HSPA12A: variants seen among roughly 807,000 people sequenced by gnomAD.
HSPA12A encodes heat shock 70 kDa protein 12A.
A neutral mutation model predicts 69.2 loss-of-function variants in HSPA12A; 28 were observed. The ratio of observed to expected loss-of-function variants is 0.40; its 90% CI spans 0.30 to 0.55. The LOEUF is 0.55. Ranked by LOEUF, HSPA12A falls within the 20% of genes least tolerant of loss-of-function variation. HSPA12A has a pLI of 0.38. For synonymous variants in HSPA12A, 345 were observed against 370.5 expected, an observed-to-expected ratio of 0.93 and a Z score of 0.79; for missense variants, 686 against 900.7, an observed-to-expected ratio of 0.76 and a Z score of 3.05.
intron 2 of HSPA12A, among the ~76,000 whole-genome samples, chr10:116,754,891 G>C (rs1554888614): frequency 6.6e-6 from 1 of 152,190 alleles, no homozygotes; most frequent in Admixed American, 6.5e-5. Context: ...GCAACACTTA[G>C]AAAACACTGA....
chr10:116,756,544 C>G (rs1843855222), intron 2 of HSPA12A, among the ~76,000 whole-genome samples: 1 of 152,230 alleles, frequency 6.6e-6, no homozygotes, highest in African/African-American at 2.4e-5. Flanking sequence ...ACACGGGCAC[C>G]CTCTGGGCAC....
intron 1 of HSPA12A, among the ~76,000 whole-genome samples, chr10:116,726,241 C>T (rs1282499446): frequency 2.6e-5 from 4 of 152,086 alleles, no homozygotes; most frequent in African/African-American, 9.7e-5. Flanking sequence ...AATCTGCACC[C>T]ATGACCAGCC....
At chr10:116,834,836 A>G (rs1845681009) in intron 2 of HSPA12A, 5 of 588,748 alleles carry the variant, frequency 8.5e-6, no homozygotes, top group South Asian at 8.9e-5. Flanking sequence ...TAAACGTCCC[A>G]GTTTTAAACA....
chr10:116,693,189 G>C (rs1254481939), intron 5 of HSPA12A, among the ~76,000 whole-genome samples: 1 of 152,144 alleles, frequency 6.6e-6, no homozygotes, highest in African/African-American at 2.4e-5. Flanking sequence ...TGCAAGGCCA[G>C]CATTATCAGG....
intron 1 of HSPA12A, among the ~76,000 whole-genome samples, chr10:116,727,069 ATTAAACCTAT>A (rs1850987960): frequency 6.6e-6 from 1 of 152,274 alleles, no homozygotes; most frequent in Admixed American, 6.5e-5. Context: ...TAACACTTTT[ATTAAACCTAT>A]CATCTGCTAC....
chr10:116,805,699 C>T (rs1476295289), intron 2 of HSPA12A, among the ~76,000 whole-genome samples: 3 of 152,158 alleles, frequency 2.0e-5, no homozygotes, highest in African/African-American at 7.2e-5. Flanking sequence ...CTGTAAACGG[C>T]CCCATTTATG....
chr10:116,780,380 C>T (rs1222408981), intron 2 of HSPA12A, among the ~76,000 whole-genome samples: 1 of 151,548 alleles, frequency 6.6e-6, no homozygotes, highest in Non-Finnish European at 1.5e-5. Flanking sequence ...GAGACAAGGT[C>T]TCTCTCTGTC....
chr10:116,674,163 C>T lies in HSPA12A; in HGVS notation c.*618G>A, dbSNP rs1161997631. ...TGGATTACCCAAGGCTACGGTTATT[C>T]TTCCCTGAACCTCCTTGCTGTTTAA... On this transcript the variant is annotated 3_prime_UTR_variant, in exon 12 of 12. Transcript: ENST00000369209. 2 of 153,412 alleles carry T rather than the reference C, an allele frequency of 1.3e-5. No homozygotes were observed. The highest frequency in any genetic ancestry group is 4.8e-5 in the African/African-American group (2 of 41,462). 9.5% of individuals were successfully genotyped at this position (153,412 alleles called of 1,614,324 possible).
chr10:116,738,469 G>A (rs1291774536), intron 1 of HSPA12A, among the ~76,000 whole-genome samples: 1 of 152,202 alleles, frequency 6.6e-6, no homozygotes, highest in African/African-American at 2.4e-5. Flanking sequence ...CTCCATGGCT[G>A]ACTCATATCC....
chr10:116,785,688 C>A lies in HSPA12A; in HGVS notation c.91+49247G>T, dbSNP rs192660407. Among the ~76,000 whole-genome samples the A allele has an allele frequency of 6.2e-3, 944 of 152,232 alleles. 3 individuals are homozygous for A. Among genetic ancestry groups the A allele is most frequent in the South Asian group, 0.02 (95 of 4,824 alleles). On this transcript the variant is annotated intron_variant, in intron 2 of 12. Coordinates refer to the HSPA12A transcript ENST00000635765. ...TCTCTCTTCCTCTCGGACAGACACA[C>A]ACACACTACCCCAAATATCCACCTG...
At chr10:116,758,435 C>T (rs1843897760) in intron 2 of HSPA12A, among the ~76,000 whole-genome samples, 1 of 152,118 alleles carries the variant, frequency 6.6e-6, no homozygotes, top group Non-Finnish European at 1.5e-5. Context: ...AATGAGTTGC[C>T]CAGGACCACC....
chr10:116,849,729 C>T (rs760862191), exon 1 of HSPA12A: 3 of 1,518,114 alleles, frequency 2.0e-6, no homozygotes, highest in African/African-American at 2.8e-5. Context: ...CTACGGGCAC[C>T]TGGTAGGGAC....
rs188691579 is a variant in HSPA12A, at chr10:116,686,031, T to G, written c.664-2069A>C. On this transcript the variant is annotated intron_variant, in intron 6 of 11. Coordinates refer to ENST00000369209, the MANE Select transcript of HSPA12A (RefSeq NM_025015.3). The surrounding 1 kb of genome is among the most constrained non-coding windows in gnomAD (Gnocchi z 4.1). ...TGGGTCAGAGAAGCTGGGTCTGCCC[T>G]TAGGTGACATCGGTCAACAGGGCCC... 2.2e-3 allele frequency among the ~76,000 whole-genome samples: 336 copies of G among 152,290 alleles called. 3 individuals carry two copies. The highest frequency in any genetic ancestry group is 7.3e-3 in the African/African-American group (305 of 41,550).
chr10:116,835,096 C>T (rs527979863), intron 1 of HSPA12A: 14 of 965,534 alleles, frequency 1.4e-5, no homozygotes, highest in East Asian at 7.0e-5. Flanking sequence ...GTCGCGTACT[C>T]GTGCTGGTTG....
chr10:116,697,030 C>T (rs114648762), intron 5 of HSPA12A, among the ~76,000 whole-genome samples: 2 of 152,118 alleles, frequency 1.3e-5, no homozygotes, highest in South Asian at 2.1e-4. Context: ...TGACCACACA[C>T]TCCTGTATAC....
chr10:116,701,737 G>A (rs991921239), intron 3 of HSPA12A, among the ~76,000 whole-genome samples: 3 of 152,206 alleles, frequency 2.0e-5, no homozygotes, highest in East Asian at 1.9e-4. Context: ...AAGTGACTGC[G>A]TTGGTTGGAG....
At chr10:116,787,038 G>A (rs956529972) in intron 2 of HSPA12A, among the ~76,000 whole-genome samples, 2 of 150,688 alleles carry the variant, frequency 1.3e-5, no homozygotes, top group African/African-American at 4.9e-5. Context: ...ACACACACAC[G>A]GTCAGATTCT....
At chr10:116,699,106 C>T (rs1589639724) in intron 4 of HSPA12A, among the ~76,000 whole-genome samples, 1 of 151,340 alleles carries the variant, frequency 6.6e-6, no homozygotes, top group Non-Finnish European at 1.5e-5. Flanking sequence ...CACATTCGAA[C>T]ACACATGGTC....
chr10:116,774,990 C>A (rs982012543), intron 2 of HSPA12A, among the ~76,000 whole-genome samples: 1 of 138,564 alleles, frequency 7.2e-6, no homozygotes, highest in African/African-American at 2.6e-5. Context: ...CTGCTCCCAA[C>A]TGTGCTGCTT....
Sources: allele counts gnomAD v4.1 joint callset (sites outside exome capture counted in the v4.1 genomes callset), GRCh38; gene constraint gnomAD v4.1.1; non-coding constraint Gnocchi (gnomAD v3.1); transcripts MANE v1.5; gene names NCBI Gene and HGNC (gene_info 2026-07-23, HGNC 2026-07-21).